The following THSD4 variants were observed in gnomAD, a reference collection of about 807,000 sequenced individuals.
The protein encoded by THSD4 is thrombospondin type 1 domain containing 4.
In THSD4, 69 loss-of-function variants were observed where a neutral mutation model predicts 119.0. That is an observed-to-expected ratio of 0.58 (90% CI 0.48 to 0.71). The LOEUF is 0.71. THSD4 is among the 30% of genes least tolerant of loss of function. The pLI, the probability that THSD4 is intolerant of heterozygous loss-of-function variation, is 0.00. For synonymous variants in THSD4, 524 were observed against 540.4 expected, an observed-to-expected ratio of 0.97 and a Z score of 0.42; for missense variants, 1,393 against 1,391.1, an observed-to-expected ratio of 1.00 and a Z score of -0.02.
rs376497737 is a variant in THSD4 at position 71,377,867 on chromosome 15, AACACAC to A, written c.1016-33778_1016-33773del. Among the ~76,000 whole-genome samples the A allele has an allele frequency of 7.7e-3, 661 of 86,306 alleles. 6 individuals are homozygous for A. The highest frequency in any genetic ancestry group is 0.031 in the Middle Eastern group (5 of 162). The allele number at this position is 86,306 out of a possible 152,430, so 56.6% of individuals were successfully genotyped here. ...CTTCTCTATTCCCGGACATATCCAC[AACACAC>A]ACACACACACACACACACACACACA... is the stretch of plus-strand genomic sequence containing the variant. On this transcript the variant is annotated intron_variant, in intron 6 of 17. Transcript: ENST00000261862.
At chr15:71,765,312 A>G (rs1211110211) in intron 16 of THSD4, 113 bp downstream of exon 16, 3 of 1,289,784 alleles carry the variant, frequency 2.3e-6, no homozygotes, top group Non-Finnish European at 3.1e-6. Context: ...GATTCCCTAC[A>G]GCAATCTACC....
At chr15:71,398,426 A>G (rs1353660390) in intron 6 of THSD4, among the ~76,000 whole-genome samples, 1 of 152,118 alleles carries the variant, frequency 6.6e-6, no homozygotes, top group Non-Finnish European at 1.5e-5. Context: ...AGAGGGCAGG[A>G]AACTTGGAGT....
At chr15:71,434,024 A>G (rs1380356479) in intron 7 of THSD4, among the ~76,000 whole-genome samples, 1 of 152,154 alleles carries the variant, frequency 6.6e-6, no homozygotes, top group Non-Finnish European at 1.5e-5. Flanking sequence ...ACACTAAAAC[A>G]TCAAGCAGAG....
intron 7 of THSD4, among the ~76,000 whole-genome samples, chr15:71,577,709 A>ATTTTATTTTATTTTATTTTATTTTAT (rs1555428637): frequency 8.2e-5 from 9 of 109,546 alleles, no homozygotes; most frequent in African/African-American, 3.0e-4. Context: ...ACCTTTATTT[A>ATTTTATTTTATTTTATTTTATTTTAT]TTTATTTTAT....
At chr15:71,369,994 C>T (rs943212551) in intron 6 of THSD4, among the ~76,000 whole-genome samples, 1 of 152,050 alleles carries the variant, frequency 6.6e-6, no homozygotes, top group African/African-American at 2.4e-5. Context: ...TCAACTTCTT[C>T]CTGGTTTAGT....
intron 11 of THSD4, among the ~76,000 whole-genome samples, chr15:71,744,385 C>T (rs1411150837): frequency 1.3e-5 from 2 of 152,174 alleles, no homozygotes; most frequent in Non-Finnish European, 2.9e-5. Flanking sequence ...AGCCCTGTCC[C>T]TCAGAAGCTC....
chr15:71,470,660 G>A (rs1319914655), intron 7 of THSD4, among the ~76,000 whole-genome samples: 8 of 150,120 alleles, frequency 5.3e-5, no homozygotes, highest in Middle Eastern at 3.5e-3. Flanking sequence ...ACGGAGTCTC[G>A]CTCTGTCGCC....
At chr15:71,617,276 A>G (rs1006454548) in intron 7 of THSD4, among the ~76,000 whole-genome samples, 4 of 152,250 alleles carry the variant, frequency 2.6e-5, no homozygotes, top group Admixed American at 6.5e-5. Flanking sequence ...TAATGGAAGT[A>G]TGTGAAATTA....
rs1258397210 is a variant in THSD4, at chr15:71,172,690, T to C, written c.99+17758T>C. On this transcript the variant is annotated intron_variant, in intron 3 of 17. Transcript: ENST00000261862. The stretch of plus-strand genomic sequence containing the variant: ...ATGAAAATAGACCTATACATATATA[T>C]ATATATATATATATATATATATATA... Among the ~76,000 whole-genome samples the C allele has an allele frequency of 1.6e-3, 74 of 47,030 alleles. No homozygotes were observed. In the East Asian group the frequency reaches 0.023, roughly 14 times the overall value. 30.9% of individuals were successfully genotyped at this position (47,030 alleles called of 152,430 possible).
At chr15:71,711,072 A>AATATATATATATGTATATATATATACAT (rs3086741) in intron 8 of THSD4, among the ~76,000 whole-genome samples, 1 of 147,844 alleles carries the variant, frequency 6.8e-6, no homozygotes, top group African/African-American at 2.5e-5. Flanking sequence ...TTGAAAGCAA[A>AATATATATATATGTATATATATATACAT]ATATATATAT....
At chr15:71,595,794 G>A (rs1022915570) in intron 7 of THSD4, among the ~76,000 whole-genome samples, 3 of 152,134 alleles carry the variant, frequency 2.0e-5, no homozygotes, top group South Asian at 2.1e-4. Flanking sequence ...ATTTAAAGAC[G>A]GTAGCTACTG....
At chr15:71,136,188 C>T (rs2040550779) in intron 1 of THSD4, among the ~76,000 whole-genome samples, 1 of 151,534 alleles carries the variant, frequency 6.6e-6, no homozygotes, top group African/African-American at 2.4e-5. Context: ...TGGGACGATC[C>T]AGTAAAAGCC....
At chr15:71,556,142 T>G (rs781365815) in intron 7 of THSD4, among the ~76,000 whole-genome samples, 3 of 152,200 alleles carry the variant, frequency 2.0e-5, no homozygotes, top group African/African-American at 4.8e-5. Context: ...CCTTATGAAA[T>G]TTGAAATTAT....
chr15:71,567,538 G>A (rs904200645), intron 7 of THSD4, among the ~76,000 whole-genome samples: 19 of 151,880 alleles, frequency 1.3e-4, no homozygotes, highest in African/African-American at 3.6e-4. Flanking sequence ...GTTGAGTACC[G>A]CTATAGGAGC....
At chr15:71,359,371 C>G (rs2045863263) in intron 6 of THSD4, among the ~76,000 whole-genome samples, 1 of 152,222 alleles carries the variant, frequency 6.6e-6, no homozygotes, top group Admixed American at 6.5e-5. Flanking sequence ...AAAAACATTA[C>G]TTACGTTATC....
chr15:71,300,231 C>CA (rs113799959), intron 6 of THSD4, among the ~76,000 whole-genome samples: 1,616 of 151,730 alleles, frequency 0.011, 32 homozygotes, highest in African/African-American at 0.036. Context: ...CACCAAGAAA[C>CA]AAAAAAATAA....
intron 7 of THSD4, among the ~76,000 whole-genome samples, chr15:71,564,965 A>G (rs1001479729): frequency 6.6e-6 from 1 of 152,132 alleles, no homozygotes; most frequent in African/African-American, 2.4e-5. Flanking sequence ...GAAGACTATC[A>G]ATAGTATCAC....
chr15:71,691,628 G>C (rs188843574), intron 8 of THSD4, among the ~76,000 whole-genome samples: 1 of 152,302 alleles, frequency 6.6e-6, no homozygotes, highest in Admixed American at 6.5e-5. Context: ...TGTACTCCTG[G>C]TTGATTACCT....
At chr15:71,212,898 A>C (rs1402046205) in intron 3 of THSD4, among the ~76,000 whole-genome samples, 1 of 152,242 alleles carries the variant, frequency 6.6e-6, no homozygotes, top group African/African-American at 2.4e-5. Flanking sequence ...CCTGTGTCAC[A>C]GAGCCGGGCC....
Sources: allele counts gnomAD v4.1 joint callset (sites outside exome capture counted in the v4.1 genomes callset), GRCh38; gene constraint gnomAD v4.1.1; transcripts MANE v1.5; gene names NCBI Gene and HGNC (gene_info 2026-07-23, HGNC 2026-07-21).